The following APLP2 variants were observed in gnomAD, a reference collection of about 807,000 sequenced individuals.
APLP2 encodes amyloid beta precursor like protein 2, also known as CDEI box-binding protein.
A neutral mutation model predicts 89.9 loss-of-function variants in APLP2; 53 were observed. The observed-to-expected ratio is 0.59, with a 90% CI of 0.47 to 0.74. The LOEUF (loss-of-function observed/expected upper bound fraction) is 0.74, where lower values mean the gene tolerates loss of function less well. Ranked by LOEUF, APLP2 falls within the 30% of genes least tolerant of loss-of-function variation. The pLI is 0.00. For synonymous variants in APLP2, 372 were observed against 348.6 expected (o/e 1.07, Z -0.75); for missense variants, 973 against 975.9 (o/e 1.00, Z 0.04).
At chr11:130,135,855 G>T in intron 13 of APLP2, 140 bp downstream of exon 13, 1 of 1,043,928 alleles carries the variant, frequency 9.6e-7, no homozygotes. Flanking sequence ...TGGATTCATT[G>T]AGCGCCTACT....
rs768885720 is a variant in APLP2 at position 130,122,527 on chromosome 11, G to C, written c.922+14G>C. On this transcript the variant is annotated intron_variant, in intron 6 of 16. Transcript: ENST00000338167. ...ATGATGTCAAAGGTAACCCCATGTA[G>C]AGCCATGGCTTTGAAATCCATGTGG... 8 of 1,613,808 alleles carry C rather than the reference G, an allele frequency of 5.0e-6. 1 individual carries two copies. In the South Asian group the frequency reaches 8.8e-5, roughly 18 times the overall value.
chr11:130,141,397 T>G lies in APLP2; in HGVS notation c.1924-101T>G. 1.0e-6 allele frequency: 1 copy of G among 973,522 alleles called. No individual in the cohort carries two copies. The highest frequency in any genetic ancestry group is 1.6e-5 in the African/African-American group (1 of 62,856). The allele number at this position is 973,522 out of a possible 1,614,324, so 60.3% of individuals were successfully genotyped here. On this transcript the variant is annotated intron_variant, in intron 14 of 16. Transcript: ENST00000338167. This position sits in a 1 kb window ranked among gnomAD's most constrained non-coding sequence, Gnocchi z 4.2. ...TAATGGGGGTCCCACAGGTACCTGC[T>G]TCCTTCCATCAAGCAGCAGGTAGCA...
Position 130,133,618 on chromosome 11 carries a change from T to A in APLP2, c.1585-11T>A. 1 of 1,608,894 alleles carries A rather than the reference T, an allele frequency of 6.2e-7. No individual in the cohort carries two copies. Among genetic ancestry groups the A allele is most frequent in the Non-Finnish European group, 8.5e-7 (1 of 1,175,264 alleles). ...AGTCACAACACCTCTCCACCATAAC[T>A]CTGCTTCCAGGTGATGACACATCTC... is the stretch of plus-strand genomic sequence containing the variant. On this transcript the variant is annotated splice_polypyrimidine_tract_variant and intron_variant, in intron 11 of 16. Coordinates refer to ENST00000338167, the MANE Select transcript of APLP2 (RefSeq NM_001142276.2).
intron 13 of APLP2, among the ~76,000 whole-genome samples, chr11:130,139,996 G>C (rs1487368920): frequency 6.6e-6 from 1 of 152,206 alleles, no homozygotes; most frequent in Non-Finnish European, 1.5e-5. Flanking sequence ...GCAGGTTATT[G>C]TGAGGATGGG....
Position 130,123,821 on chromosome 11 carries a change from C to T in APLP2, c.1090+42C>T, listed in dbSNP as rs773887845. 1.0e-5 allele frequency: 16 copies of T among 1,598,894 alleles called. No homozygotes were observed. The highest frequency in any genetic ancestry group is 1.2e-5 in the Non-Finnish European group (14 of 1,170,542). ...GCTGGTCCCGTGCGGCAGCACCGTCCTGTCTGGCGTCCGTCTCCCTGCCGT... is the reference window on the plus strand; with the variant it reads ...GCTGGTCCCGTGCGGCAGCACCGTCTTGTCTGGCGTCCGTCTCCCTGCCGT... On this transcript the variant is annotated intron_variant, in intron 7 of 16. Coordinates refer to ENST00000338167, the MANE Select transcript of APLP2 (RefSeq NM_001142276.2). This position sits in a 1 kb window ranked among gnomAD's most constrained non-coding sequence, Gnocchi z 4.0.
chr11:130,112,472 T>G (rs1948711758), intron 3 of APLP2, among the ~76,000 whole-genome samples: 1 of 152,172 alleles, frequency 6.6e-6, no homozygotes, highest in Admixed American at 6.5e-5. Context: ...GGGTCTAAGG[T>G]GACAGGACAC....
intron 1 of APLP2, among the ~76,000 whole-genome samples, chr11:130,096,539 G>A (rs1946232631): frequency 1.3e-5 from 2 of 152,112 alleles, no homozygotes; most frequent in East Asian, 1.9e-4. Flanking sequence ...GCAATATAGC[G>A]AGACCTCATC....
chr11:130,119,402 TCTAA>T (rs1454595604), intron 3 of APLP2, among the ~76,000 whole-genome samples: 1 of 152,192 alleles, frequency 6.6e-6, no homozygotes, highest in East Asian at 1.9e-4. Context: ...GTTGTATATT[TCTAA>T]CTTTTTATTG....
At chr11:130,107,190 G>A (rs1051778163) in intron 1 of APLP2, among the ~76,000 whole-genome samples, 4 of 152,132 alleles carry the variant, frequency 2.6e-5, no homozygotes, top group Non-Finnish European at 5.9e-5. Flanking sequence ...ATTTTCTTTT[G>A]TGGGTAAATT....
chr11:130,094,904 G>A (rs746811578), intron 1 of APLP2, among the ~76,000 whole-genome samples: 1 of 152,220 alleles, frequency 6.6e-6, no homozygotes, highest in Non-Finnish European at 1.5e-5. Flanking sequence ...TTCTAGAAAG[G>A]AGGGACTGAA....
At chr11:130,127,421 G>A (rs150454221) in intron 8 of APLP2, among the ~76,000 whole-genome samples, 26 of 152,306 alleles carry the variant, frequency 1.7e-4, no homozygotes, top group African/African-American at 6.0e-4. Context: ...ACAGTCCCAT[G>A]TTGGGCTTAC....
chr11:130,095,659 T>C (rs1946097738), intron 1 of APLP2, among the ~76,000 whole-genome samples: 1 of 152,234 alleles, frequency 6.6e-6, no homozygotes, highest in South Asian at 2.1e-4. Flanking sequence ...AACTGTGTGC[T>C]TGGAGTCACT....
At chr11:130,085,336 C>G (rs1204561018) in intron 1 of APLP2, among the ~76,000 whole-genome samples, 1 of 152,106 alleles carries the variant, frequency 6.6e-6, no homozygotes, top group African/African-American at 2.4e-5. Flanking sequence ...TGTGTAATCC[C>G]AGCTACTCCG....
intron 1 of APLP2, among the ~76,000 whole-genome samples, chr11:130,097,709 A>C (rs1946396394): frequency 1.3e-5 from 2 of 152,198 alleles, no homozygotes; most frequent in Admixed American, 1.3e-4. Flanking sequence ...CCCACAAGAA[A>C]AACCTAAACC....
intron 1 of APLP2, among the ~76,000 whole-genome samples, chr11:130,090,699 A>C (rs1173119880): frequency 6.6e-6 from 1 of 152,100 alleles, no homozygotes; most frequent in Non-Finnish European, 1.5e-5. Flanking sequence ...CGATTTCTCA[A>C]TCCCTTCCCC....
chr11:130,121,097 C>T (rs1257449030), intron 4 of APLP2, among the ~76,000 whole-genome samples: 1 of 152,174 alleles, frequency 6.6e-6, no homozygotes, highest in African/African-American at 2.4e-5. Context: ...TCCCAGGAAA[C>T]CATCCTAACC....
At chr11:130,087,606 T>A (rs1944317840) in intron 1 of APLP2, among the ~76,000 whole-genome samples, 1 of 152,164 alleles carries the variant, frequency 6.6e-6, no homozygotes, top group East Asian at 1.9e-4. Flanking sequence ...AGAACATTGG[T>A]TTGAAATGAT....
intron 1 of APLP2, among the ~76,000 whole-genome samples, chr11:130,103,592 A>G (rs1947233631): frequency 6.6e-6 from 1 of 152,186 alleles, no homozygotes; most frequent in Non-Finnish European, 1.5e-5. Context: ...ACATTTATAC[A>G]GTTGGAACTC....
rs779379596 is a variant in APLP2, at chr11:130,141,477, A to T, written c.1924-21A>T. 1.1e-5 allele frequency: 18 copies of T among 1,608,216 alleles called. No homozygotes were observed. Among genetic ancestry groups the T allele is most frequent in the Non-Finnish European group, 1.7e-6 (2 of 1,174,978 alleles). On this transcript the variant is annotated intron_variant, in intron 14 of 16. Transcript: ENST00000338167. The surrounding 1 kb of genome is among the most constrained non-coding windows in gnomAD (Gnocchi z 4.2). Reference sequence around the variant, plus strand: ...CCGTTCACCCAGTTGCTTGCTGCCGACATTCTCATGACTGTTTCAGGTCAT... The same window carrying T: ...CCGTTCACCCAGTTGCTTGCTGCCGTCATTCTCATGACTGTTTCAGGTCAT...
Sources: gnomAD v4.1 joint callset for allele counts (sites outside exome capture counted in the v4.1 genomes callset) on GRCh38, gnomAD v4.1.1 for gene constraint, Gnocchi (gnomAD v3.1) non-coding constraint, MANE v1.5 for transcripts, NCBI Gene and HGNC (gene_info 2026-07-23, HGNC 2026-07-21) for gene names.